The following CTNND2 variants were observed in gnomAD, a reference collection of about 807,000 sequenced individuals.
The protein encoded by CTNND2 is catenin delta 2.
In CTNND2, 22 loss-of-function variants were observed where a neutral mutation model predicts 144.4. That is an observed-to-expected ratio of 0.15 (90% confidence interval 0.11 to 0.22). The LOEUF is 0.22. Ranked by LOEUF, CTNND2 falls within the 10% of genes least tolerant of loss-of-function variation. CTNND2 has a pLI of 1.00. For missense variants in CTNND2, 1,353 were observed against 1,618.8 expected (o/e 0.84, Z 2.82); for synonymous variants, 751 against 695.6 (o/e 1.08, Z -1.25).
At chr5:11,389,296 C>G (rs2149805852) in intron 6 of CTNND2, among the ~76,000 whole-genome samples, 1 of 152,288 alleles carries the variant, frequency 6.6e-6, no homozygotes, top group East Asian at 1.9e-4. Flanking sequence ...TGTTCTGATT[C>G]AACAGTTTCT....
chr5:11,700,487 C>T (rs1785379487), intron 2 of CTNND2, among the ~76,000 whole-genome samples: 1 of 152,150 alleles, frequency 6.6e-6, no homozygotes, highest in Non-Finnish European at 1.5e-5. Context: ...GGATCAATGA[C>T]TTAAAGAATC....
Position 11,061,206 on chromosome 5 carries a change from T to C in CTNND2, c.2788+21490A>G, listed in dbSNP as rs147258873. Among the ~76,000 whole-genome samples the C allele has an allele frequency of 7.2e-5, 11 of 152,322 alleles. No homozygotes were observed. In the East Asian group the frequency reaches 2.1e-3, roughly 29 times the overall value. On this transcript the variant is annotated intron_variant, in intron 16 of 21. Coordinates refer to ENST00000304623, the MANE Select transcript of CTNND2 (RefSeq NM_001332.4). Reference sequence around the variant, plus strand: ...GCTGGTTCCACCTTCAAAATACTTTTTCTACCCCTGTGCTACAACTCTGGT... The same window carrying C: ...GCTGGTTCCACCTTCAAAATACTTTCTCTACCCCTGTGCTACAACTCTGGT...
chr5:11,617,246 T>A (rs1193041911), intron 2 of CTNND2, among the ~76,000 whole-genome samples: 2 of 152,330 alleles, frequency 1.3e-5, no homozygotes, highest in South Asian at 4.1e-4. Context: ...ACGACACTGA[T>A]GTTGGCTTTG....
intron 1 of CTNND2, among the ~76,000 whole-genome samples, chr5:11,779,886 T>C (rs1182617734): frequency 6.6e-6 from 1 of 152,188 alleles, no homozygotes; most frequent in African/African-American, 2.4e-5. Flanking sequence ...CATTCCTAAT[T>C]CCATCTTCCC....
chr5:11,528,308 C>T (rs1773443938), intron 3 of CTNND2, among the ~76,000 whole-genome samples: 1 of 152,160 alleles, frequency 6.6e-6, no homozygotes, highest in African/African-American at 2.4e-5. Flanking sequence ...TGAAGCTGTG[C>T]TCTTAAGTAA....
At chr5:11,799,488 T>G (rs548072560) in intron 1 of CTNND2, among the ~76,000 whole-genome samples, 89 of 152,338 alleles carry the variant, frequency 5.8e-4, no homozygotes, top group African/African-American at 2.1e-3. Context: ...ACATTTTACC[T>G]TCTCCAATGG....
chr5:11,545,319 CAATCAATCAATA>C (rs1461979708), intron 3 of CTNND2, among the ~76,000 whole-genome samples: 1 of 151,540 alleles, frequency 6.6e-6, no homozygotes, highest in Non-Finnish European at 1.5e-5. Context: ...GACTCTATCT[CAATCAATCAATA>C]AATCAATCAA....
chr5:11,297,796 G>A (rs936272867), intron 9 of CTNND2, among the ~76,000 whole-genome samples: 2 of 152,088 alleles, frequency 1.3e-5, no homozygotes, highest in Non-Finnish European at 2.9e-5. Context: ...ACATATTCAC[G>A]AGTTCGGATT....
At chr5:11,088,034 T>C (rs1208880492) in intron 15 of CTNND2, among the ~76,000 whole-genome samples, 1 of 152,248 alleles carries the variant, frequency 6.6e-6, no homozygotes, top group African/African-American at 2.4e-5. Context: ...TAATTTTCAA[T>C]TAAAAAATTT....
intron 3 of CTNND2, among the ~76,000 whole-genome samples, chr5:11,484,227 T>C (rs1419372480): frequency 6.6e-6 from 1 of 152,152 alleles, no homozygotes; most frequent in East Asian, 1.9e-4. Flanking sequence ...TCTAGCCGAG[T>C]GTTCTGCTCC....
At chr5:11,711,244 C>T (rs1360371612) in intron 2 of CTNND2, among the ~76,000 whole-genome samples, 1 of 151,894 alleles carries the variant, frequency 6.6e-6, no homozygotes, top group African/African-American at 2.4e-5. Context: ...TTAGCAGAGA[C>T]GGGGTTTCAC....
In CTNND2 at chr5:11,267,504, G is replaced by A. The variant is rs889920259; in HGVS notation, c.1629-30681C>T. Among the ~76,000 whole-genome samples the A allele has an allele frequency of 7.9e-5, 12 of 152,142 alleles. 1 individual carries two copies. The highest frequency in any genetic ancestry group is 2.9e-4 in the African/African-American group (12 of 41,434). On this transcript the variant is annotated intron_variant, in intron 9 of 21. Coordinates refer to ENST00000304623, the MANE Select transcript of CTNND2 (RefSeq NM_001332.4). The stretch of plus-strand genomic sequence containing the variant: ...GGACACAGATAAATGAGCCCTTTAA[G>A]ATATTTTTATTAACTTGAAAGACCT...
At chr5:11,340,479 A>G (rs1187539499) in intron 9 of CTNND2, among the ~76,000 whole-genome samples, 1 of 152,182 alleles carries the variant, frequency 6.6e-6, no homozygotes, top group Non-Finnish European at 1.5e-5. Flanking sequence ...ATGTACCTGG[A>G]TACAACCTCG....
intron 1 of CTNND2, among the ~76,000 whole-genome samples, chr5:11,816,566 C>G (rs1197582497): frequency 7.0e-6 from 1 of 142,952 alleles, no homozygotes; most frequent in East Asian, 2.1e-4. Context: ...TCCCCTTGCT[C>G]CAGTACCAGA....
At chr5:11,108,787 T>C (rs1752669001) in intron 14 of CTNND2, among the ~76,000 whole-genome samples, 1 of 152,208 alleles carries the variant, frequency 6.6e-6, no homozygotes, top group South Asian at 2.1e-4. Context: ...GACCAGCAGC[T>C]GGTGGAGGAC....
intron 2 of CTNND2, among the ~76,000 whole-genome samples, chr5:11,729,848 A>C (rs957590305): frequency 6.6e-6 from 1 of 152,312 alleles, no homozygotes; most frequent in Admixed American, 6.5e-5. Flanking sequence ...CCTAGCATAC[A>C]ATATAAACTA....
At chr5:11,072,423 T>C (rs1748427954) in intron 16 of CTNND2, among the ~76,000 whole-genome samples, 1 of 152,238 alleles carries the variant, frequency 6.6e-6, no homozygotes. Context: ...ATCCATTCAT[T>C]TTACCTGACA....
intron 21 of CTNND2, among the ~76,000 whole-genome samples, chr5:10,980,259 A>G (rs1452842143): frequency 6.6e-6 from 1 of 152,230 alleles, no homozygotes; most frequent in East Asian, 1.9e-4. Context: ...ACACTTCTCA[A>G]AAGAAGACTT....
chr5:11,456,559 TG>T (rs1212116931), intron 3 of CTNND2, among the ~76,000 whole-genome samples: 1 of 152,102 alleles, frequency 6.6e-6, no homozygotes, highest in Non-Finnish European at 1.5e-5. Context: ...CCCCAATACC[TG>T]GGAAGGTTGC....
Sources: gnomAD v4.1 joint callset for allele counts (sites outside exome capture counted in the v4.1 genomes callset) on GRCh38, gnomAD v4.1.1 for gene constraint, MANE v1.5 for transcripts, NCBI Gene and HGNC (gene_info 2026-07-23, HGNC 2026-07-21) for gene names.